The following PDE7B variants were observed in gnomAD, a reference collection of about 807,000 sequenced individuals.
The protein encoded by PDE7B is 3',5'-cyclic-AMP phosphodiesterase 7B.
PDE7B carries 29 observed loss-of-function variants against 56.2 expected under a neutral mutation model. The ratio of observed to expected loss-of-function variants is 0.52; its 90% CI spans 0.38 to 0.70. The LOEUF is 0.70. Among genes scored for constraint, PDE7B ranks in the 30% least tolerant of loss-of-function variants. The probability of loss-of-function intolerance (pLI) is 0.00; values close to 1 mark genes in which losing one functional copy is unlikely to be tolerated. For missense variants in PDE7B, 490 were observed against 565.0 expected (o/e 0.87, Z 1.35); for synonymous variants, 197 against 196.9 (o/e 1.00, Z 0.00).
intron 2 of PDE7B, among the ~76,000 whole-genome samples, chr6:136,091,083 T>G (rs1041438525): frequency 6.6e-6 from 1 of 152,204 alleles, no homozygotes; most frequent in African/African-American, 2.4e-5. Context: ...GTCCTCTCTA[T>G]TTTGTGCTTT....
intron 2 of PDE7B, among the ~76,000 whole-genome samples, chr6:136,014,647 G>A (rs1775945305): frequency 6.6e-6 from 1 of 152,184 alleles, no homozygotes; most frequent in African/African-American, 2.4e-5. Flanking sequence ...ATATTGCAGA[G>A]GGGGCAGCCA....
chr6:136,177,994 CATA>C (rs902791841), intron 9 of PDE7B, among the ~76,000 whole-genome samples: 2 of 152,122 alleles, frequency 1.3e-5, no homozygotes, highest in African/African-American at 2.4e-5. Flanking sequence ...ATTTCAAAAA[CATA>C]ATGTTTAGCT....
At position 136,018,060 on chromosome 6, in the gene PDE7B, A is replaced by G. The variant is rs375299798; in HGVS notation, c.82+70536A>G. 9.2e-5 allele frequency among the ~76,000 whole-genome samples: 14 copies of G among 152,338 alleles called. 1 individual carries two copies. Among genetic ancestry groups the G allele is most frequent in the Admixed American group, 5.2e-4 (8 of 15,298 alleles). On this transcript the variant is annotated intron_variant, in intron 2 of 12. Coordinates refer to ENST00000308191, the MANE Select transcript of PDE7B (RefSeq NM_018945.4). ...AGCCAGGGAAAATTTCAATAGCGTCAAACAGTAATTTGGGATTTAAAAAGT... is the reference window on the plus strand; with the variant it reads ...AGCCAGGGAAAATTTCAATAGCGTCGAACAGTAATTTGGGATTTAAAAAGT...
At chr6:136,009,518 T>A (rs1396556097) in intron 2 of PDE7B, among the ~76,000 whole-genome samples, 5 of 152,300 alleles carry the variant, frequency 3.3e-5, no homozygotes, top group Admixed American at 3.3e-4. Context: ...CCTTGAGCAG[T>A]GGTTTGTAGT....
intron 1 of PDE7B, among the ~76,000 whole-genome samples, chr6:135,890,089 G>T (rs1266734622): frequency 1.3e-5 from 2 of 152,036 alleles, no homozygotes; most frequent in Non-Finnish European, 2.9e-5. Flanking sequence ...TGTGTGAATT[G>T]GGCAGGGACA....
intron 1 of PDE7B, among the ~76,000 whole-genome samples, chr6:135,864,906 A>G (rs1423122129): frequency 6.6e-6 from 1 of 150,806 alleles, no homozygotes; most frequent in African/African-American, 2.4e-5. Flanking sequence ...CTCGTCATTT[A>G]CATTAGGTAT....
intron 2 of PDE7B, among the ~76,000 whole-genome samples, chr6:136,063,716 C>T (rs779408995): frequency 1.3e-5 from 2 of 152,176 alleles, no homozygotes; most frequent in Non-Finnish European, 2.9e-5. Context: ...CCAACAAAAC[C>T]GCACAGTTCG....
chr6:135,882,741 C>A (rs1234452214), intron 1 of PDE7B, among the ~76,000 whole-genome samples: 1 of 152,120 alleles, frequency 6.6e-6, no homozygotes, highest in Non-Finnish European at 1.5e-5. Flanking sequence ...CCACACTTGA[C>A]TTGTAATTTC....
intron 1 of PDE7B, among the ~76,000 whole-genome samples, chr6:135,885,358 A>G (rs56666399): frequency 0.058 from 8,576 of 148,262 alleles, 382 homozygotes; most frequent in African/African-American, 0.13. Flanking sequence ...CACTGCCACT[A>G]CCGTGGCCCA....
At chr6:135,948,393 A>G (rs531084410) in intron 2 of PDE7B, among the ~76,000 whole-genome samples, 1 of 152,132 alleles carries the variant, frequency 6.6e-6, no homozygotes, top group African/African-American at 2.4e-5. Context: ...TAATAAGCAA[A>G]GAAAAAAATT....
intron 2 of PDE7B, among the ~76,000 whole-genome samples, chr6:136,083,652 C>T (rs1033707820): frequency 6.6e-6 from 1 of 152,136 alleles, no homozygotes; most frequent in Admixed American, 6.5e-5. Flanking sequence ...TTTTGAATAA[C>T]TTAAAATATA....
chr6:136,020,049 C>G (rs933904969), intron 2 of PDE7B, among the ~76,000 whole-genome samples: 3 of 152,116 alleles, frequency 2.0e-5, no homozygotes, highest in African/African-American at 7.2e-5. Context: ...TGTTTTTTCA[C>G]CCAATCAGAG....
chr6:136,116,866 T>C (rs1330223532), intron 3 of PDE7B, among the ~76,000 whole-genome samples: 1 of 152,216 alleles, frequency 6.6e-6, no homozygotes, highest in Non-Finnish European at 1.5e-5. Context: ...TAGTTTATAA[T>C]AAGCTTGATT....
At chr6:135,865,821 A>AGTG (rs1264172169) in intron 1 of PDE7B, among the ~76,000 whole-genome samples, 1 of 152,188 alleles carries the variant, frequency 6.6e-6, no homozygotes, top group East Asian at 1.9e-4. Flanking sequence ...GGTGATTGAA[A>AGTG]GTGGTTGGCA....
rs543765291 is a variant in PDE7B at position 136,051,812 on chromosome 6, G to A, written c.83-56919G>A. Among the ~76,000 whole-genome samples the A allele has an allele frequency of 1.4e-4, 21 of 151,950 alleles. No individual in the cohort carries two copies. The South Asian group carries it at 2.1e-3, about 15-fold the overall frequency. ...TCATTCTTCATTATTTCCACCTTTC[G>A]TTCGCTACCACCACCTCCATTGCCC... On this transcript the variant is annotated intron_variant, in intron 2 of 12. Coordinates refer to ENST00000308191, the MANE Select transcript of PDE7B (RefSeq NM_018945.4).
intron 2 of PDE7B, among the ~76,000 whole-genome samples, chr6:136,021,318 G>T (rs1208510927): frequency 2.0e-5 from 3 of 152,100 alleles, no homozygotes; most frequent in African/African-American, 7.2e-5. Flanking sequence ...TTCACATGCC[G>T]ATCCATGTGT....
At chr6:135,895,849 G>A (rs1775892438) in intron 1 of PDE7B, among the ~76,000 whole-genome samples, 1 of 152,098 alleles carries the variant, frequency 6.6e-6, no homozygotes, top group Non-Finnish European at 1.5e-5. Context: ...GGCAATAAAA[G>A]AGACAGCCTT....
chr6:135,861,292 A>C (rs1459847582), intron 1 of PDE7B, among the ~76,000 whole-genome samples: 3 of 151,812 alleles, frequency 2.0e-5, no homozygotes, highest in Non-Finnish European at 4.4e-5. Flanking sequence ...TTTAGTAAAA[A>C]ATTCAAAATT....
intron 1 of PDE7B, 26 bp from the exon 2 acceptor site, chr6:135,947,438 T>C: frequency 6.4e-7 from 1 of 1,565,780 alleles, no homozygotes; most frequent in Non-Finnish European, 8.8e-7. Context: ...AATCTTAAAA[T>C]AACCTTGGCT....
Sources: gnomAD v4.1 joint callset for allele counts (sites outside exome capture counted in the v4.1 genomes callset) on GRCh38, gnomAD v4.1.1 for gene constraint, MANE v1.5 for transcripts, NCBI Gene and HGNC (gene_info 2026-07-23, HGNC 2026-07-21) for gene names.